The following ERCC1 variants were observed in gnomAD, a reference collection of about 807,000 sequenced individuals.
ERCC1 encodes the protein DNA excision repair protein ERCC-1.
A neutral mutation model predicts 37.6 loss-of-function variants in ERCC1; 36 were observed. That is an observed-to-expected ratio of 0.96 (90% confidence interval 0.73 to 1.26). The LOEUF is 1.26. ERCC1 is among the 50% of genes most tolerant of loss of function. ERCC1 has a pLI of 0.00. For missense variants in ERCC1, 349 were observed against 376.5 expected, an observed-to-expected ratio of 0.93 and a Z score of 0.60; for synonymous variants, 156 against 162.1, an observed-to-expected ratio of 0.96 and a Z score of 0.28.
chr19:45,445,615 T>C (rs917641414), intron 1 of ERCC1, among the ~76,000 whole-genome samples: 3 of 152,106 alleles, frequency 2.0e-5, no homozygotes, highest in Non-Finnish European at 4.4e-5. Context: ...GAAGTTGGTT[T>C]GGGAGAAGCC....
Position 45,408,596 on chromosome 19 carries a change from G to A in ERCC1, c.*1079C>T. On this transcript the variant is annotated 3_prime_UTR_variant, in exon 10 of 10. Coordinates refer to ENST00000300853, the MANE Select transcript of ERCC1 (RefSeq NM_001983.4). Reference sequence around the variant, plus strand: ...GGCTTTGGGGTCGCCAGAAATGGATGTGCGGAAGAAGAAGAAGAAAAAAAA... The same window carrying A: ...GGCTTTGGGGTCGCCAGAAATGGATATGCGGAAGAAGAAGAAGAAAAAAAA... The A allele has an allele frequency of 3.1e-6, 5 of 1,613,790 alleles. No homozygotes were observed. Among genetic ancestry groups the A allele is most frequent in the Non-Finnish European group, 4.2e-6 (5 of 1,180,016 alleles).
chr19:45,414,138 G>A (rs1007453796), intron 7 of ERCC1, 104 bp from the exon 8 acceptor site: 22 of 880,040 alleles, frequency 2.5e-5, no homozygotes, highest in East Asian at 1.2e-4. Context: ...ACTGCCTGGC[G>A]TGCAGGAAGC....
At chr19:45,427,575 C>A (rs960530915), upstream of ERCC1, among the ~76,000 whole-genome samples, 2 of 152,156 alleles carry the variant, frequency 1.3e-5, no homozygotes, top group African/African-American at 4.8e-5. Context: ...GATTACACCA[C>A]TGCACTCTAG....
intron 1 of ERCC1, among the ~76,000 whole-genome samples, chr19:45,437,315 G>A (rs11879769): frequency 0.079 from 11,985 of 151,842 alleles, 1,536 homozygotes; most frequent in African/African-American, 0.27. Context: ...AAATAAAATC[G>A]TACATATGGA....
At position 45,445,895 on chromosome 19, in the gene ERCC1, T is replaced by G. The variant is rs1233869649; in HGVS notation, c.-7-22514A>C. ...CTTATTTGTTAATTAATTTATTTATTTATTTATTTTGAGACAGAGTTTCTT... is the reference window on the plus strand; with the variant it reads ...CTTATTTGTTAATTAATTTATTTATGTATTTATTTTGAGACAGAGTTTCTT... On this transcript the variant is annotated intron_variant, in intron 1 of 8. Transcript: ENST00000423698. Among the ~76,000 whole-genome samples, 3 of 152,054 alleles carry G rather than the reference T, an allele frequency of 2.0e-5. No homozygotes were observed. In the East Asian group the frequency reaches 5.8e-4, roughly 29 times the overall value.
chr19:45,428,577 T>TAC (rs1242805098), upstream of ERCC1, among the ~76,000 whole-genome samples: 7 of 152,296 alleles, frequency 4.6e-5, no homozygotes, highest in African/African-American at 1.4e-4. Flanking sequence ...CTACGGCCCC[T>TAC]GCTCCCATCC....
intron 2 of ERCC1, among the ~76,000 whole-genome samples, chr19:45,422,662 CAGG>C (rs1020975498): frequency 1.3e-4 from 20 of 152,050 alleles, no homozygotes; most frequent in Admixed American, 6.6e-4. Flanking sequence ...GAGGCTGAGG[CAGG>C]AGAATCGCTT....
intron 1 of ERCC1, among the ~76,000 whole-genome samples, chr19:45,438,988 ATC>A (rs375547846): frequency 5.3e-5 from 8 of 152,098 alleles, no homozygotes; most frequent in African/African-American, 1.4e-4. Flanking sequence ...TTTTAACCGC[ATC>A]TCTCTGTTCT....
intron 7 of ERCC1, 191 bp from the exon 8 acceptor site, chr19:45,414,225 C>A (rs549077853): frequency 3.2e-6 from 2 of 634,734 alleles, no homozygotes; most frequent in Non-Finnish European, 5.7e-6. Flanking sequence ...CCTAATAATC[C>A]CAGCACTTTC....
intron 1 of ERCC1, among the ~76,000 whole-genome samples, chr19:45,438,135 C>T (rs553648766): frequency 6.6e-6 from 1 of 152,330 alleles, no homozygotes; most frequent in South Asian, 2.1e-4. Context: ...TGGTGTCGAT[C>T]TCCTGACCTC....
intron 7 of ERCC1, 65 bp from the exon 8 acceptor site, chr19:45,414,099 G>A (rs537216627): frequency 9.0e-6 from 12 of 1,335,058 alleles, no homozygotes; most frequent in Non-Finnish European, 1.3e-5. Flanking sequence ...GCCTAGGAGG[G>A]CAGGGCTGGG....
chr19:45,418,208 T>A (rs1974177063), intron 5 of ERCC1, among the ~76,000 whole-genome samples: 1 of 151,738 alleles, frequency 6.6e-6, no homozygotes, highest in South Asian at 2.1e-4. Context: ...AATTAGCCGG[T>A]CATGGTGGTA....
In ERCC1 at chr19:45,409,364, C is replaced by A; in HGVS notation, c.*311G>T. 6.2e-7 allele frequency: 1 copy of A among 1,614,122 alleles called. No individual in the cohort carries two copies. The highest frequency in any genetic ancestry group is 8.5e-7 in the Non-Finnish European group (1 of 1,180,020). On this transcript the variant is annotated 3_prime_UTR_variant, in exon 10 of 10. Coordinates refer to ENST00000300853, the MANE Select transcript of ERCC1 (RefSeq NM_001983.4). ...GGGATCCACCAAGAAGAGGAAGAAG[C>A]AGAGTCAGGAAAGCCGGATGCCAGA...
intron 1 of ERCC1, among the ~76,000 whole-genome samples, chr19:45,448,967 A>G (rs1027982494): frequency 8.5e-5 from 13 of 152,150 alleles, no homozygotes; most frequent in African/African-American, 2.9e-4. Context: ...AAATACGTTT[A>G]TATAACCTGC....
intron 9 of ERCC1, among the ~76,000 whole-genome samples, chr19:45,411,073 C>T (rs1973706785): frequency 6.6e-6 from 1 of 152,178 alleles, no homozygotes; most frequent in African/African-American, 2.4e-5. Flanking sequence ...ATCTGCCCGC[C>T]TCGGCCTCCC....
intron 1 of ERCC1, among the ~76,000 whole-genome samples, chr19:45,435,481 T>C (rs1429743343): frequency 1.3e-5 from 2 of 152,166 alleles, no homozygotes; most frequent in Non-Finnish European, 2.9e-5. Context: ...TTTGTTTTTG[T>C]TTTGAGACCT....
chr19:45,414,744 G>C, intron 7 of ERCC1, 117 bp downstream of exon 7: 1 of 765,842 alleles, frequency 1.3e-6, no homozygotes. Flanking sequence ...GGTGGGATGG[G>C]CCAGGAAAGA....
rs998362473 is a variant in ERCC1, at chr19:45,414,716, C to G, written c.702+145G>C. The stretch of plus-strand genomic sequence containing the variant: ...GCAGCAGATTTGTGCTCAGGAAAAC[C>G]CCTCTAGCTGCAGTTTCGGTGGGAT... On this transcript the variant is annotated intron_variant, in intron 7 of 9. Transcript: ENST00000300853. 6.1e-6 allele frequency: 4 copies of G among 654,494 alleles called. No individual in the cohort carries two copies. The African/African-American group carries it at 7.2e-5, about 12-fold the overall frequency. The allele number at this position is 654,494 out of a possible 1,614,324, so 40.5% of individuals were successfully genotyped here.
chr19:45,431,864 C>A (rs2123573064), intron 1 of ERCC1, among the ~76,000 whole-genome samples: 1 of 152,258 alleles, frequency 6.6e-6, no homozygotes, highest in South Asian at 2.1e-4. Flanking sequence ...GGCACCCCAG[C>A]CTGGACAACA....
Sources: allele counts gnomAD v4.1 joint callset (sites outside exome capture counted in the v4.1 genomes callset), GRCh38; gene constraint gnomAD v4.1.1; transcripts MANE v1.5; gene names NCBI Gene and HGNC (gene_info 2026-07-23, HGNC 2026-07-21).